The following TRPA1 variants were observed in gnomAD, a reference collection of about 807,000 sequenced individuals.
TRPA1 encodes transient receptor potential cation channel subfamily A member 1.
In TRPA1, 129 loss-of-function variants were observed where a neutral mutation model predicts 131.3. The ratio of observed to expected loss-of-function variants is 0.98; its 90% CI spans 0.85 to 1.14. The LOEUF is 1.14. TRPA1 is among the 50% of genes most tolerant of loss of function. The pLI, the probability that TRPA1 is intolerant of heterozygous loss-of-function variation, is 0.00. For synonymous variants in TRPA1, 441 were observed against 451.7 expected (o/e 0.98, Z 0.30); for missense variants, 1,304 against 1,354.2 (o/e 0.96, Z 0.58).
At chr8:72,047,781 G>A (rs1287536665) in intron 15 of TRPA1, among the ~76,000 whole-genome samples, 1 of 152,098 alleles carries the variant, frequency 6.6e-6, no homozygotes, top group Non-Finnish European at 1.5e-5. Flanking sequence ...CCATCCTTAT[G>A]ATGCCTCATT....
intron 4 of TRPA1, among the ~76,000 whole-genome samples, chr8:72,064,335 G>A (rs910168818): frequency 6.6e-6 from 1 of 151,162 alleles, no homozygotes; most frequent in Non-Finnish European, 1.5e-5. Context: ...AAAGAATATT[G>A]TTAAGTAAAA....
intron 23 of TRPA1, among the ~76,000 whole-genome samples, chr8:72,030,188 T>G (rs578078252): frequency 1.3e-5 from 2 of 152,268 alleles, no homozygotes; most frequent in Admixed American, 1.3e-4. Flanking sequence ...TCCTCATAGG[T>G]GGCACCTTCT....
rs1344219737 is a variant in TRPA1, at chr8:72,023,201, CGGTCCCTTCTG to C, written c.3150-96_3150-86del. On this transcript the variant is annotated intron_variant, in intron 26 of 26. Coordinates refer to ENST00000262209, the MANE Select transcript of TRPA1 (RefSeq NM_007332.3). ...TGTAGGAAGGCATAGGTTTTAACCT[CGGTCCCTTCTG>C]AATGTAGGAACGCATAGGTTTTAAC... 46 of 421,304 alleles carry C rather than the reference CGGTCCCTTCTG, an allele frequency of 1.1e-4. No individual in the cohort carries two copies. The East Asian group carries it at 1.6e-3, about 15-fold the overall frequency. The allele number at this position is 421,304 out of a possible 1,614,324, so 26.1% of individuals were successfully genotyped here.
intron 1 of TRPA1, among the ~76,000 whole-genome samples, chr8:72,073,666 A>G (rs1806113512): frequency 6.6e-6 from 1 of 152,248 alleles, no homozygotes; most frequent in South Asian, 2.1e-4. Context: ...AAATCTAAAT[A>G]AAGACTATTA....
intron 15 of TRPA1, among the ~76,000 whole-genome samples, chr8:72,049,936 ATT>A (rs111426953): frequency 4.0e-5 from 6 of 150,588 alleles, no homozygotes; most frequent in East Asian, 3.9e-4. Context: ...ATTTTATTTT[ATT>A]TTTTTTTTTA....
rs555738685 is a variant in TRPA1, at chr8:72,055,549, C to T, written c.1416G>A (p.Thr472=). Residue 472 remains threonine, a synonymous_variant, in exon 12 of 27, where the codon ACG becomes ACA. Coordinates refer to ENST00000262209, the MANE Select transcript of TRPA1 (RefSeq NM_007332.3). ...CQRLLQDISD[T]RLLNEGDLHG... ...GAAGGTCACCTTCATTCAGAAGCCT[C>T]GTATCACTTATGTCTTGTAGGAGCC... 245 of 1,613,578 alleles carry T rather than the reference C, an allele frequency of 1.5e-4. 1 individual carries two copies. Among genetic ancestry groups the T allele is most frequent in the South Asian group, 9.6e-4 (87 of 91,066 alleles).
Position 72,055,561 on chromosome 8 carries a change from G to A in TRPA1, c.1404C>T (p.Asp468=), listed in dbSNP as rs759885961. 6.2e-7 allele frequency: 1 copy of A among 1,613,478 alleles called. No homozygotes were observed. Among genetic ancestry groups the A allele is most frequent in the Non-Finnish European group, 8.5e-7 (1 of 1,179,672 alleles). The part of the protein sequence containing the change: ...RINTCQRLLQ[D]ISDTRLLNEG... ...CATTCAGAAGCCTCGTATCACTTAT[G>A]TCTTGTAGGAGCCTCTGACAGGTAT... Residue 468 remains aspartate, a synonymous_variant, in exon 12 of 27, where the codon GAC becomes GAT. Transcript: ENST00000262209.
In TRPA1 at chr8:72,050,874, G is replaced by C; in HGVS notation, c.1812-3C>G. ...AAATCTTAAGACATTCATCCCATCT[G>C]TAAAAAATAAATAAGTAAGATAAGC... On this transcript the variant is annotated splice_polypyrimidine_tract_variant and splice_region_variant and intron_variant, in intron 14 of 26. Coordinates refer to ENST00000262209, the MANE Select transcript of TRPA1 (RefSeq NM_007332.3). 1 of 1,591,530 alleles carries C rather than the reference G, an allele frequency of 6.3e-7. No homozygotes were observed.
intron 1 of TRPA1, among the ~76,000 whole-genome samples, 166 bp downstream of exon 1, chr8:72,075,133 G>T (rs747376228): frequency 6.6e-6 from 1 of 152,114 alleles, no homozygotes; most frequent in East Asian, 1.9e-4. Flanking sequence ...TAAAGCAGGC[G>T]CTGTGTGGGC....
At chr8:72,085,257 C>A in the TRPA1 span, among the ~76,000 whole-genome samples, 2 of 152,170 alleles carry the variant, frequency 1.3e-5, no homozygotes, top group East Asian at 3.9e-4. Context: ...TTTAATATAG[C>A]ATTTTATATA....
chr8:72,083,596 A>G, the TRPA1 span, among the ~76,000 whole-genome samples: 2 of 150,202 alleles, frequency 1.3e-5, no homozygotes, highest in African/African-American at 5.0e-5. Context: ...AAAAAAAATT[A>G]GCCGGGCATG....
intron 19 of TRPA1, chr8:72,038,635 C>T: frequency 2.1e-6 from 1 of 470,226 alleles, no homozygotes; most frequent in Non-Finnish European, 3.8e-6. Context: ...TAGCATCTAA[C>T]ACATGTCAAT....
At position 72,052,591 on chromosome 8, in the gene TRPA1, CAG is replaced by C; in HGVS notation, c.1811+6_1811+7del. The C allele has an allele frequency of 6.2e-7, 1 of 1,613,366 alleles. No individual in the cohort carries two copies. The highest frequency in any genetic ancestry group is 1.3e-5 in the African/African-American group (1 of 74,962). Reference sequence around the variant, plus strand: ...CACTAAATGACAGTGGACAGGAAGACAGTGTACCTTTTGCTCCTGATGATCGT... The same window carrying C: ...CACTAAATGACAGTGGACAGGAAGACTGTACCTTTTGCTCCTGATGATCGT... On this transcript the variant is annotated splice_donor_region_variant and intron_variant, in intron 14 of 26. Coordinates refer to ENST00000262209, the MANE Select transcript of TRPA1 (RefSeq NM_007332.3).
At chr8:72,085,121 AC>A in the TRPA1 span, among the ~76,000 whole-genome samples, 2 of 152,246 alleles carry the variant, frequency 1.3e-5, no homozygotes. Flanking sequence ...TTCAAAACAA[AC>A]TTTTTCATGT....
the TRPA1 span, among the ~76,000 whole-genome samples, chr8:72,084,028 A>G: frequency 2.6e-5 from 4 of 152,204 alleles, no homozygotes; most frequent in Non-Finnish European, 5.9e-5. Flanking sequence ...ATGAAAGTTG[A>G]CAAATTTGTA....
At chr8:72,041,135 T>C (rs1812236982) in intron 17 of TRPA1, 1 of 151,984 alleles carries the variant, frequency 6.6e-6, no homozygotes, top group African/African-American at 2.4e-5. Context: ...CAATATATAA[T>C]GATAACAACG....
At chr8:72,040,945 C>A (rs755947324) in intron 17 of TRPA1, among the ~76,000 whole-genome samples, 13 of 151,922 alleles carry the variant, frequency 8.6e-5, no homozygotes, top group Non-Finnish European at 1.8e-4. Context: ...TGGATAAAAC[C>A]CAGGATTCAA....
intron 15 of TRPA1, among the ~76,000 whole-genome samples, chr8:72,050,275 T>C (rs1805467618): frequency 6.6e-6 from 1 of 152,100 alleles, no homozygotes; most frequent in Non-Finnish European, 1.5e-5. Flanking sequence ...AGAGTGATTG[T>C]CCCATCCATG....
intron 20 of TRPA1, among the ~76,000 whole-genome samples, chr8:72,036,673 G>A (rs906557955): frequency 6.6e-6 from 1 of 152,164 alleles, no homozygotes; most frequent in African/African-American, 2.4e-5. Flanking sequence ...TGTTAACCTG[G>A]TGTTATGGGA....
Sources: gnomAD v4.1 joint callset for allele counts (sites outside exome capture counted in the v4.1 genomes callset) on GRCh38, gnomAD v4.1.1 for gene constraint, MANE v1.5 for transcripts, NCBI Gene and HGNC (gene_info 2026-07-23, HGNC 2026-07-21) for gene names.